GRIP2: variants seen among roughly 807,000 people sequenced by gnomAD.
GRIP2 encodes glutamate receptor interacting protein 2, also known as glutamate receptor-interacting protein 2.
Under a neutral mutation model 108.3 loss-of-function variants are expected in GRIP2, and 58 were observed. The observed-to-expected ratio is 0.54, with a 90% confidence interval of 0.43 to 0.67. GRIP2 has a LOEUF of 0.67. GRIP2 is among the 30% of genes least tolerant of loss of function. The pLI is 0.00. For missense variants in GRIP2, 1,278 were observed against 1,430.6 expected, an observed-to-expected ratio of 0.89 and a Z score of 1.72; for synonymous variants, 586 against 598.2, an observed-to-expected ratio of 0.98 and a Z score of 0.30.
At chr3:14,564,778 T>G in the GRIP2 span, among the ~76,000 whole-genome samples, 2 of 152,152 alleles carry the variant, frequency 1.3e-5, no homozygotes, top group African/African-American at 4.8e-5. Context: ...TTAACCTTCT[T>G]CAACACCCCA....
chr3:14,504,904 GA>G (rs139063465), intron 20 of GRIP2, among the ~76,000 whole-genome samples: 4,316 of 152,308 alleles, frequency 0.028, 196 homozygotes, highest in African/African-American at 0.098. Context: ...CCACGCAGTA[GA>G]GATGATAGCC....
At chr3:14,575,175 C>T in the GRIP2 span, among the ~76,000 whole-genome samples, 7 of 152,260 alleles carry the variant, frequency 4.6e-5, no homozygotes, top group Admixed American at 2.6e-4. Flanking sequence ...TTACTCTCTA[C>T]GCGGCACCTC....
upstream of GRIP2, among the ~76,000 whole-genome samples, chr3:14,541,277 G>C (rs1694963570): frequency 6.6e-6 from 1 of 152,220 alleles, no homozygotes; most frequent in Admixed American, 6.5e-5. Context: ...ACCAAGAAGG[G>C]TGGGGTGATG....
intron 3 of GRIP2, 39 bp from the exon 4 acceptor site, chr3:14,524,577 C>T (rs1294619478): frequency 1.9e-5 from 29 of 1,541,902 alleles, no homozygotes; most frequent in Non-Finnish European, 2.5e-5. Context: ...GTAACAGGTG[C>T]TGGCCCATGC....
upstream of GRIP2, chr3:14,542,010 T>A (rs1340118965): frequency 1.5e-6 from 2 of 1,353,230 alleles, no homozygotes; most frequent in African/African-American, 3.0e-5. Context: ...TGAACTGCTC[T>A]AACAGATCCT....
At chr3:14,542,357 G>A (rs1575031212), upstream of GRIP2, among the ~76,000 whole-genome samples, 1 of 151,992 alleles carries the variant, frequency 6.6e-6, no homozygotes, top group East Asian at 1.9e-4. Flanking sequence ...TTTTCACCAT[G>A]TTGCCCAGGC....
chr3:14,529,103 T>C (rs1355067177), intron 1 of GRIP2, among the ~76,000 whole-genome samples: 1 of 139,830 alleles, frequency 7.2e-6, no homozygotes, highest in Admixed American at 7.6e-5. Flanking sequence ...ACCCTATCTC[T>C]ACTAAAAATA....
chr3:14,543,474 T>C (rs1319495531), upstream of GRIP2, among the ~76,000 whole-genome samples: 1 of 152,192 alleles, frequency 6.6e-6, no homozygotes, highest in African/African-American at 2.4e-5. Context: ...GAGAGAAGGA[T>C]TTCCGTCTGG....
chr3:14,509,725 A>T, intron 17 of GRIP2, 95 bp downstream of exon 17: 1 of 1,225,082 alleles, frequency 8.2e-7, no homozygotes, highest in Non-Finnish European at 1.1e-6. Flanking sequence ...ATGTTGGAAC[A>T]GAGGTCAGAA....
intron 22 of GRIP2, 35 bp downstream of exon 22, chr3:14,496,382 G>A (rs1465061882): frequency 6.4e-7 from 1 of 1,561,112 alleles, no homozygotes; most frequent in Non-Finnish European, 8.7e-7. Flanking sequence ...CCAGAACACA[G>A]GTCCAGGTCT....
intron 17 of GRIP2, among the ~76,000 whole-genome samples, chr3:14,508,534 G>C (rs750463539): frequency 5.3e-5 from 8 of 152,206 alleles, no homozygotes; most frequent in Non-Finnish European, 1.2e-4. Flanking sequence ...CCATATGGGA[G>C]CTCCTGGAGA....
rs1185231527 is a variant in GRIP2 at position 14,520,239 on chromosome 3, C to T, written c.901G>A (p.Asp301Asn). The T allele has an allele frequency of 1.2e-6, 2 of 1,613,756 alleles. No individual in the cohort carries two copies. Among genetic ancestry groups the T allele is most frequent in the Non-Finnish European group, 1.7e-6 (2 of 1,179,880 alleles). ...GAGCAGTGTTCCATGCTGGTGCCAT[C>T]GATGGACAGGATGTGGTCTCCAGGG... ...LHPGDHILSI[D>N]GTSMEHCSLL... is the part of the protein sequence containing the mutation. Residue 301 changes from aspartate (D) to asparagine (N), a missense_variant, in exon 9 of 24, where the codon GAT (aspartate) becomes AAT (asparagine). Physicochemically the swap from Asp to Asn is conservative, Grantham distance 23. Transcript: ENST00000621039.
chr3:14,601,550 T>G, the GRIP2 span, among the ~76,000 whole-genome samples: 1 of 152,220 alleles, frequency 6.6e-6, no homozygotes, highest in Non-Finnish European at 1.5e-5. Context: ...GTGGAGGGTC[T>G]GCTCCCTCGC....
rs149294572 is a variant in GRIP2 at position 14,532,088 on chromosome 3, A to G, written c.41-6157T>C. Among the ~76,000 whole-genome samples, 668 of 152,246 alleles carry G rather than the reference A, an allele frequency of 4.4e-3. 9 individuals carry two copies. The highest frequency in any genetic ancestry group is 0.015 in the African/African-American group (638 of 41,538). ...AGGGGTCAGCCAGGCCTCAGTAGAG[A>G]TCCTGGCTCTGCCATTCGCCAGCTG... On this transcript the variant is annotated intron_variant, in intron 1 of 23. Transcript: ENST00000621039.
At chr3:14,574,552 C>A in the GRIP2 span, 1 of 742,088 alleles carries the variant, frequency 1.3e-6, no homozygotes, top group South Asian at 1.4e-5. Context: ...TCCTTGAGTG[C>A]TGCCTCTGAT....
chr3:14,528,569 A>G (rs928007064), intron 1 of GRIP2, among the ~76,000 whole-genome samples: 1 of 152,182 alleles, frequency 6.6e-6, no homozygotes. Context: ...AAACGAAAAA[A>G]TTTAAGCTGG....
At position 14,511,398 on chromosome 3, in the gene GRIP2, C is replaced by T. The variant is rs758066713; in HGVS notation, c.1787+15G>A. 1.9e-6 allele frequency: 3 copies of T among 1,613,958 alleles called. No homozygotes were observed. Among genetic ancestry groups the T allele is most frequent in the East Asian group, 4.5e-5 (2 of 44,886 alleles). On this transcript the variant is annotated intron_variant, in intron 15 of 23. Transcript: ENST00000621039. The surrounding 1 kb of genome is among the most constrained non-coding windows in gnomAD (Gnocchi z 4.1). ...GCTGTTGGCCACTTCCCTTCCTGTG[C>T]CCCAGTGCCCCTACCTGTGTGCCAC...
chr3:14,601,358 C>T, the GRIP2 span, among the ~76,000 whole-genome samples: 1 of 152,206 alleles, frequency 6.6e-6, no homozygotes, highest in Non-Finnish European at 1.5e-5. Flanking sequence ...AGATTTCCTT[C>T]TTAATTAGCC....
intron 7 of GRIP2, chr3:14,520,833 C>G: frequency 4.7e-6 from 2 of 426,360 alleles, no homozygotes; most frequent in Non-Finnish European, 8.7e-6. Flanking sequence ...CTGTGGTATA[C>G]CAGCACTAAA....
Sources: gnomAD v4.1 joint callset for allele counts (sites outside exome capture counted in the v4.1 genomes callset) on GRCh38, gnomAD v4.1.1 for gene constraint, Gnocchi (gnomAD v3.1) non-coding constraint, MANE v1.5 for transcripts, NCBI Gene and HGNC (gene_info 2026-07-23, HGNC 2026-07-21) for gene names.